CYFIP1: variants seen among roughly 807,000 people sequenced by gnomAD.
CYFIP1 encodes cytoplasmic FMR1 interacting protein 1.
CYFIP1 carries 58 observed loss-of-function variants against 163.5 expected under a neutral mutation model. The ratio of observed to expected loss-of-function variants is 0.35; its 90% CI spans 0.29 to 0.44. CYFIP1 has a LOEUF of 0.44. CYFIP1 is among the 20% of genes least tolerant of loss of function. The pLI, the probability that CYFIP1 is intolerant of heterozygous loss-of-function variation, is 1.00. For missense variants in CYFIP1, 1,338 were observed against 1,653.8 expected, an observed-to-expected ratio of 0.81 and a Z score of 3.31; for synonymous variants, 663 against 660.7, an observed-to-expected ratio of 1.00 and a Z score of -0.05.
chr15:22,913,584 A>G (rs1346731635), intron 17 of CYFIP1, among the ~76,000 whole-genome samples: 2 of 145,754 alleles, frequency 1.4e-5, no homozygotes, highest in African/African-American at 5.1e-5. Flanking sequence ...AATTACACCA[A>G]CGGAAGTACA....
At chr15:22,936,809 G>A (rs1446042207) in intron 9 of CYFIP1, among the ~76,000 whole-genome samples, 2 of 152,294 alleles carry the variant, frequency 1.3e-5, no homozygotes, top group Middle Eastern at 3.4e-3. Context: ...CTGTAGCTAC[G>A]GGCTTCCTCC....
chr15:22,880,172 C>T (rs1012674132), intron 25 of CYFIP1, 129 bp from the exon 26 acceptor site: 27 of 1,245,808 alleles, frequency 2.2e-5, no homozygotes, highest in African/African-American at 1.2e-4. Flanking sequence ...ACAGCCACAA[C>T]GTCCCATCCC....
rs1210870151 is a variant in CYFIP1 at position 22,928,034 on chromosome 15, C to T, written c.1111-6G>A. On this transcript the variant is annotated splice_region_variant and splice_polypyrimidine_tract_variant and intron_variant, in intron 11 of 30. Coordinates refer to ENST00000617928, the MANE Select transcript of CYFIP1 (RefSeq NM_014608.6). ...CGGCCCGAGCCCGTGACCACCTGCA[C>T]AAGGCGGGCACGGCCCCGTGAGAAA... 5 of 1,536,574 alleles carry T rather than the reference C, an allele frequency of 3.3e-6. 1 individual carries two copies. The highest frequency in any genetic ancestry group is 4.4e-6 in the Non-Finnish European group (5 of 1,146,382).
At chr15:22,895,744 G>A (rs2060217604) in intron 22 of CYFIP1, among the ~76,000 whole-genome samples, 1 of 152,176 alleles carries the variant, frequency 6.6e-6, no homozygotes, top group South Asian at 2.1e-4. Flanking sequence ...AGGGCTGGAG[G>A]CTGAGCTCAG....
At chr15:22,894,973 A>G (rs1455074067) in intron 22 of CYFIP1, among the ~76,000 whole-genome samples, 1 of 149,096 alleles carries the variant, frequency 6.7e-6, no homozygotes, top group African/African-American at 2.5e-5. Context: ...CTCCCACCTC[A>G]GCCTCATGAG....
chr15:22,965,960 G>C (rs1342493911), intron 1 of CYFIP1, among the ~76,000 whole-genome samples: 4 of 152,128 alleles, frequency 2.6e-5, no homozygotes, highest in Non-Finnish European at 5.9e-5. Flanking sequence ...TTAACCCCCA[G>C]GACCTCAGAA....
At chr15:22,959,605 C>T (rs1258610484) in intron 1 of CYFIP1, among the ~76,000 whole-genome samples, 1 of 152,222 alleles carries the variant, frequency 6.6e-6, no homozygotes, top group Non-Finnish European at 1.5e-5. Flanking sequence ...GCAATTCCAC[C>T]GCTGGCCATT....
At chr15:22,924,976 G>C (rs985330575) in intron 13 of CYFIP1, among the ~76,000 whole-genome samples, 5 of 152,246 alleles carry the variant, frequency 3.3e-5, no homozygotes, top group Non-Finnish European at 7.4e-5. Context: ...GGAGGCTGAG[G>C]TGGGAGGATT....
At position 22,874,653 on chromosome 15, in the gene CYFIP1, GA is replaced by G; in HGVS notation, c.3116-10del. ...ATCAAGTCTCTCCCCCTCTGCAGTAGAAAAAATATTTTACTATATTCTGCTC... is the reference window on the plus strand; with the variant it reads ...ATCAAGTCTCTCCCCCTCTGCAGTAGAAAAATATTTTACTATATTCTGCTC... On this transcript the variant is annotated splice_polypyrimidine_tract_variant and intron_variant, in intron 27 of 30. Transcript: ENST00000617928. 6.4e-7 allele frequency: 1 copy of G among 1,567,990 alleles called. No homozygotes were observed. Among genetic ancestry groups the G allele is most frequent in the Non-Finnish European group, 8.6e-7 (1 of 1,160,020 alleles).
intron 6 of CYFIP1, 146 bp from the exon 7 acceptor site, chr15:22,939,653 A>G: frequency 1.4e-6 from 1 of 700,622 alleles, no homozygotes; most frequent in African/African-American, 1.8e-5. Context: ...GAAGCCACCT[A>G]TGATTTCAGC....
chr15:22,939,603 T>C (rs2061834832), intron 6 of CYFIP1, 96 bp from the exon 7 acceptor site: 2 of 900,934 alleles, frequency 2.2e-6, no homozygotes, highest in East Asian at 5.5e-5. Flanking sequence ...GTGGGATCCC[T>C]TTCCCCTACA....
intron 13 of CYFIP1, among the ~76,000 whole-genome samples, chr15:22,923,390 G>A (rs1050343511): frequency 3.9e-5 from 6 of 152,098 alleles, no homozygotes; most frequent in Non-Finnish European, 7.3e-5. Context: ...TTAGAAAACC[G>A]CAAATCAAAA....
At chr15:22,877,051 T>C (rs2059606821) in intron 26 of CYFIP1, among the ~76,000 whole-genome samples, 1 of 152,094 alleles carries the variant, frequency 6.6e-6, no homozygotes, top group Admixed American at 6.5e-5. Context: ...ACACAGAGGC[T>C]ATGGTTTGGA....
Position 22,937,191 on chromosome 15 carries a change from C to G in CYFIP1, c.813G>C (p.Leu271=). The G allele has an allele frequency of 6.2e-7, 1 of 1,611,102 alleles. No individual in the cohort carries two copies. The highest frequency in any genetic ancestry group is 1.1e-5 in the South Asian group (1 of 90,974). The change falls in exon 9 of 31, where the codon CTG becomes CTC. Residue 271 remains leucine (L), a synonymous_variant. Coordinates refer to ENST00000617928, the MANE Select transcript of CYFIP1 (RefSeq NM_014608.6). ...HMLLKVMGFG[L]YLMDGSVSNI... ...TACTGACACTCCCATCCATCAGGTA[C>G]AGACCAAATCCCATGACCTGAAAAG... is the stretch of plus-strand genomic sequence containing the variant.
intron 1 of CYFIP1, among the ~76,000 whole-genome samples, chr15:22,952,370 A>G (rs899060628): frequency 2.0e-5 from 3 of 152,030 alleles, no homozygotes; most frequent in Non-Finnish European, 4.4e-5. Flanking sequence ...AATGGTGAAG[A>G]TGGGGGAGGA....
At chr15:22,883,749 G>A (rs1457713326) in intron 23 of CYFIP1, among the ~76,000 whole-genome samples, 9 of 150,024 alleles carry the variant, frequency 6.0e-5, no homozygotes, top group Admixed American at 4.7e-4. Flanking sequence ...CCTGGGATGT[G>A]GAGCTTGCAG....
rs574746253 is a variant in CYFIP1 at position 22,943,972 on chromosome 15, C to T, written c.387+586G>A. Among the ~76,000 whole-genome samples the T allele has an allele frequency of 2.6e-5, 4 of 152,198 alleles. No individual in the cohort carries two copies. In the East Asian group the frequency reaches 7.7e-4, roughly 29 times the overall value. On this transcript the variant is annotated intron_variant, in intron 5 of 30. Transcript: ENST00000617928. ...AGTACAAATTGGCCAGGCGTGGTGG[C>T]TCACACCTGTAATCTCAGCATTTTG... is the stretch of plus-strand genomic sequence containing the variant.
chr15:22,884,870 C>A (rs1230269591), intron 23 of CYFIP1, among the ~76,000 whole-genome samples: 2 of 151,798 alleles, frequency 1.3e-5, no homozygotes. Flanking sequence ...GGCTTGCACC[C>A]TCTGAAGCAA....
At chr15:22,883,782 A>C (rs959224038) in intron 23 of CYFIP1, among the ~76,000 whole-genome samples, 7 of 138,888 alleles carry the variant, frequency 5.0e-5, no homozygotes, top group East Asian at 2.1e-4. Context: ...GCGCCACTGC[A>C]CTCCAGCCCG....
Sources: gnomAD v4.1 joint callset for allele counts (sites outside exome capture counted in the v4.1 genomes callset) on GRCh38, gnomAD v4.1.1 for gene constraint, MANE v1.5 for transcripts, NCBI Gene and HGNC (gene_info 2026-07-23, HGNC 2026-07-21) for gene names.